The following WWOX variants were observed in gnomAD, a reference collection of about 807,000 sequenced individuals.
WWOX encodes the protein WW domain-containing oxidoreductase.
In WWOX, 69 loss-of-function variants were observed where a neutral mutation model predicts 46.2. The ratio of observed to expected loss-of-function variants is 1.49; its 90% CI spans 1.23 to 1.82. The LOEUF is 1.82. Among genes scored for constraint, WWOX ranks in the 40% most tolerant of loss-of-function variants. The probability of loss-of-function intolerance (pLI) is 0.00; values close to 1 mark genes in which losing one functional copy is unlikely to be tolerated. For missense variants in WWOX, 919 were observed against 542.6 expected, an observed-to-expected ratio of 1.69 and a Z score of -6.89; for synonymous variants, 359 against 202.6, an observed-to-expected ratio of 1.77 and a Z score of -6.56.
chr16:78,398,832 C>T (rs141396521), intron 6 of WWOX, among the ~76,000 whole-genome samples: 126 of 152,286 alleles, frequency 8.3e-4, no homozygotes, highest in African/African-American at 2.7e-3. Context: ...ATTTATAAAG[C>T]GTAGTACCTG....
At chr16:78,370,504 T>C (rs2081650422) in intron 5 of WWOX, among the ~76,000 whole-genome samples, 2 of 152,080 alleles carry the variant, frequency 1.3e-5, no homozygotes, top group Admixed American at 6.6e-5. Context: ...TGTTTTTTTT[T>C]TTGATTTTTT....
chr16:78,201,765 C>A (rs2036237123), intron 5 of WWOX, among the ~76,000 whole-genome samples: 1 of 151,724 alleles, frequency 6.6e-6, no homozygotes, highest in African/African-American at 2.4e-5. Context: ...AGTGGTGTGA[C>A]CTTGACTCAC....
chr16:79,023,463 C>G (rs946510985), intron 8 of WWOX, among the ~76,000 whole-genome samples: 3 of 152,144 alleles, frequency 2.0e-5, no homozygotes, highest in Admixed American at 6.5e-5. Flanking sequence ...ATGTTCATCA[C>G]AAAGTGTTCA....
At chr16:78,947,618 G>A (rs2045975117) in intron 8 of WWOX, among the ~76,000 whole-genome samples, 1 of 152,308 alleles carries the variant, frequency 6.6e-6, no homozygotes, top group Admixed American at 6.5e-5. Context: ...ACGCCACACT[G>A]TGGTCAGATA....
At chr16:78,819,652 C>G (rs1029129726) in intron 8 of WWOX, among the ~76,000 whole-genome samples, 6 of 152,216 alleles carry the variant, frequency 3.9e-5, no homozygotes, top group Admixed American at 6.5e-5. Flanking sequence ...ATAAAAGTTG[C>G]TAACACCACC....
intron 8 of WWOX, among the ~76,000 whole-genome samples, chr16:79,061,353 C>G (rs1458866270): frequency 6.6e-6 from 1 of 152,178 alleles, no homozygotes; most frequent in Non-Finnish European, 1.5e-5. Context: ...TTACTCCCGT[C>G]TAAGGGCTTG....
In WWOX at chr16:79,189,896, C is replaced by G. The variant is rs944730044; in HGVS notation, c.1057-21712C>G. Among the ~76,000 whole-genome samples, 5 of 136,116 alleles carry G rather than the reference C, an allele frequency of 3.7e-5. No homozygotes were observed. The Admixed American group carries it at 4.2e-4, about 11-fold the overall frequency. 89.3% of individuals were successfully genotyped at this position (136,116 alleles called of 152,430 possible). On this transcript the variant is annotated intron_variant, in intron 8 of 8. Coordinates refer to ENST00000566780, the MANE Select transcript of WWOX (RefSeq NM_016373.4). ...TAAAAACTTCCAGTGGTTTCATATT[C>G]TACCTAGTTTTAGGTGACAGCTGGT...
In WWOX at chr16:79,024,503, A is replaced by G. The variant is rs368666152; in HGVS notation, c.1057-187105A>G. On this transcript the variant is annotated intron_variant, in intron 8 of 8. Transcript: ENST00000566780. ...GGCTGGAGTGCAGTGGTGCTATCTC[A>G]GCTCACTGCAAGCTCCGCCTCCCAG... 5.9e-5 allele frequency among the ~76,000 whole-genome samples: 9 copies of G among 152,034 alleles called. No individual in the cohort carries two copies. In the East Asian group the frequency reaches 9.7e-4, roughly 16 times the overall value.
intron 5 of WWOX, among the ~76,000 whole-genome samples, chr16:78,356,071 T>TAAAAAAAAAAAAAAAAAAAAAAAAAAAA (rs61113878): frequency 2.0e-4 from 15 of 76,140 alleles, no homozygotes; most frequent in African/African-American, 6.0e-4. Context: ...TTTTTTTTCC[T>TAAAAAAAAAAAAAAAAAAAAAAAAAAAA]AAAAAAAAAA....
chr16:78,861,176 T>C (rs1475110973), intron 8 of WWOX, among the ~76,000 whole-genome samples: 6 of 152,016 alleles, frequency 3.9e-5, no homozygotes, highest in African/African-American at 1.5e-4. Flanking sequence ...CTTCCTCTCT[T>C]TGCTTCTTTC....
At chr16:78,329,518 T>A (rs1171170950) in intron 5 of WWOX, among the ~76,000 whole-genome samples, 1 of 152,160 alleles carries the variant, frequency 6.6e-6, no homozygotes, top group Non-Finnish European at 1.5e-5. Flanking sequence ...AGTTCTTGGG[T>A]AGGTGTGTGA....
intron 8 of WWOX, among the ~76,000 whole-genome samples, chr16:79,007,767 G>C (rs988006173): frequency 6.6e-6 from 1 of 152,096 alleles, no homozygotes; most frequent in Admixed American, 6.6e-5. Context: ...GCTCTTTCTC[G>C]GATACCAAAG....
At chr16:78,708,040 A>T (rs1262905277) in intron 8 of WWOX, among the ~76,000 whole-genome samples, 2 of 152,032 alleles carry the variant, frequency 1.3e-5, no homozygotes, top group Non-Finnish European at 2.9e-5. Context: ...AATACAGGAC[A>T]CCTGGCCTGT....
intron 8 of WWOX, among the ~76,000 whole-genome samples, chr16:79,152,669 C>G (rs996139179): frequency 1.3e-4 from 16 of 120,220 alleles, no homozygotes; most frequent in African/African-American, 4.3e-4. Flanking sequence ...GTCTCCATCT[C>G]AAAGAAAAAA....
At chr16:78,718,092 G>GTTTTTTTTTTTTTTTTTTTTTTTATTTTT in intron 8 of WWOX, among the ~76,000 whole-genome samples, 14 of 139,612 alleles carry the variant, frequency 1.0e-4, no homozygotes, top group African/African-American at 3.8e-4. Flanking sequence ...GGTTCTGGTG[G>GTTTTTTTTTTTTTTTTTTTTTTTATTTTT]TTGTATTTTT....
At chr16:79,178,667 TC>T (rs1187927497) in intron 8 of WWOX, among the ~76,000 whole-genome samples, 6 of 152,152 alleles carry the variant, frequency 3.9e-5, no homozygotes, top group Non-Finnish European at 8.8e-5. Context: ...CTTCGAAGAA[TC>T]CGTAGTCCAT....
At chr16:78,831,527 A>C (rs1350630811) in intron 8 of WWOX, among the ~76,000 whole-genome samples, 2 of 152,204 alleles carry the variant, frequency 1.3e-5, no homozygotes, top group Non-Finnish European at 2.9e-5. Context: ...CCCGGTGCCC[A>C]TGCCCGGGTG....
chr16:78,626,098 T>C (rs1029027394), intron 8 of WWOX, among the ~76,000 whole-genome samples: 1 of 151,988 alleles, frequency 6.6e-6, no homozygotes, highest in Non-Finnish European at 1.5e-5. Context: ...CTTTTTTGTG[T>C]TCCAGGAGCC....
intron 8 of WWOX, among the ~76,000 whole-genome samples, chr16:79,025,000 A>C (rs1209984289): frequency 6.6e-6 from 1 of 152,174 alleles, no homozygotes; most frequent in African/African-American, 2.4e-5. Flanking sequence ...ACCTGAGCTG[A>C]TGTAAATGAA....
Sources: gnomAD v4.1 joint callset for allele counts (sites outside exome capture counted in the v4.1 genomes callset) on GRCh38, gnomAD v4.1.1 for gene constraint, MANE v1.5 for transcripts, NCBI Gene and HGNC (gene_info 2026-07-23, HGNC 2026-07-21) for gene names.